STK39: variants seen among roughly 807,000 people sequenced by gnomAD.
STK39 encodes the protein STE20/SPS1-related proline-alanine-rich protein kinase.
In STK39, 20 loss-of-function variants were observed where a neutral mutation model predicts 77.8. The ratio of observed to expected loss-of-function variants is 0.26; its 90% CI spans 0.18 to 0.37. STK39 has a LOEUF of 0.37. Among genes scored for constraint, STK39 ranks in the 10% least tolerant of loss-of-function variants. The pLI, the probability that STK39 is intolerant of heterozygous loss-of-function variation, is 1.00. For synonymous variants in STK39, 246 were observed against 234.1 expected (o/e 1.05, Z -0.47); for missense variants, 479 against 656.5 (o/e 0.73, Z 2.95).
intron 1 of STK39, among the ~76,000 whole-genome samples, chr2:168,243,756 G>T (rs1461752453): frequency 2.0e-5 from 3 of 152,170 alleles, no homozygotes; most frequent in African/African-American, 7.2e-5. Context: ...GGATGGCCAA[G>T]TAAACACTTA....
At chr2:168,151,930 C>G (rs1385060469) in intron 5 of STK39, among the ~76,000 whole-genome samples, 5 of 152,166 alleles carry the variant, frequency 3.3e-5, no homozygotes, top group Admixed American at 3.3e-4. Context: ...TTAGCCACAG[C>G]AGTGGAGAGG....
intron 17 of STK39, among the ~76,000 whole-genome samples, chr2:167,958,907 G>A (rs1277665819): frequency 6.6e-6 from 1 of 152,058 alleles, no homozygotes; most frequent in African/African-American, 2.4e-5. Flanking sequence ...ATGTTGACAT[G>A]TTTCATTATA....
At position 168,063,531 on chromosome 2, in the gene STK39, A is replaced by G. The variant is rs201894497; in HGVS notation, c.1345T>C (p.Ser449Pro). 150 of 1,613,202 alleles carry G rather than the reference A, an allele frequency of 9.3e-5. 1 individual carries two copies. The highest frequency in any genetic ancestry group is 3.4e-4 in the South Asian group (31 of 90,976). ...CTCAAAACGAGGTTCACGGCACAAGAAGAAGCTTCTCTGTAGTCTTCATTA... is the reference window on the plus strand; with the variant it reads ...CTCAAAACGAGGTTCACGGCACAAGGAGAAGCTTCTCTGTAGTCTTCATTA... ...NANEDYREAS[S>P]CAVNLVLRLR... Residue 449 changes from serine (S) to proline (P), a missense_variant, in exon 14 of 18, where the codon TCT (serine) becomes CCT (proline). By Grantham distance (74) the Ser-to-Pro change is moderately conservative (BLOSUM62 -1). Around this residue, in one of 3 missense-constraint regions of STK39, gnomAD observed 244 missense variants for 296.8 expected, o/e 0.82. Coordinates refer to ENST00000355999, the MANE Select transcript of STK39 (RefSeq NM_013233.3).
chr2:168,213,609 C>T (rs1052913756), intron 1 of STK39, among the ~76,000 whole-genome samples: 4 of 151,256 alleles, frequency 2.6e-5, no homozygotes, highest in African/African-American at 9.7e-5. Flanking sequence ...TCACCTGAGC[C>T]CAGGAGGTGG....
intron 2 of STK39, among the ~76,000 whole-genome samples, chr2:168,169,629 A>AGTGTGTGTGTGT (rs1285407377): frequency 2.8e-5 from 3 of 106,520 alleles, no homozygotes; most frequent in African/African-American, 1.6e-4. Context: ...CTTTGCAGTG[A>AGTGTGTGTGTGT]GCGTGTGTGT....
At chr2:168,107,435 TA>T (rs1400701101) in intron 10 of STK39, among the ~76,000 whole-genome samples, 1 of 152,202 alleles carries the variant, frequency 6.6e-6, no homozygotes, top group African/African-American at 2.4e-5. Context: ...ATACCTCTCC[TA>T]AAAGATGTTA....
chr2:168,127,269 G>A (rs748500580), intron 10 of STK39, among the ~76,000 whole-genome samples: 1 of 152,114 alleles, frequency 6.6e-6, no homozygotes, highest in Non-Finnish European at 1.5e-5. Flanking sequence ...TCCTGCCTCA[G>A]CCTCCCGAGT....
intron 10 of STK39, among the ~76,000 whole-genome samples, chr2:168,101,593 C>A (rs1033942941): frequency 6.6e-6 from 1 of 151,870 alleles, no homozygotes; most frequent in Non-Finnish European, 1.5e-5. Flanking sequence ...CAAAAATTAG[C>A]CAGGCATGGT....
chr2:168,080,924 G>A (rs994835901), intron 10 of STK39, among the ~76,000 whole-genome samples: 1 of 152,220 alleles, frequency 6.6e-6, no homozygotes, highest in African/African-American at 2.4e-5. Flanking sequence ...ACATGATGTT[G>A]AGCCTGTAGA....
intron 14 of STK39, among the ~76,000 whole-genome samples, chr2:168,040,930 A>T (rs1559069407): frequency 1.3e-5 from 2 of 152,256 alleles, no homozygotes. Context: ...CTTTTTTAGT[A>T]CATGGAACTG....
rs899264366 is a variant in STK39, at chr2:168,005,700, G to A, written c.1498+6934C>T. 3.3e-5 allele frequency among the ~76,000 whole-genome samples: 5 copies of A among 152,138 alleles called. No individual in the cohort carries two copies. In the South Asian group the frequency reaches 8.3e-4, roughly 25 times the overall value. Reference sequence around the variant, plus strand: ...TAGTACAGCAGGATGAAAGCCATACGTCTTGAGGTGGTAAAAACATGGTTC... The same window carrying A: ...TAGTACAGCAGGATGAAAGCCATACATCTTGAGGTGGTAAAAACATGGTTC... On this transcript the variant is annotated intron_variant, in intron 16 of 17. Coordinates refer to ENST00000355999, the MANE Select transcript of STK39 (RefSeq NM_013233.3).
intron 14 of STK39, among the ~76,000 whole-genome samples, chr2:168,042,247 G>A (rs1411250215): frequency 6.6e-6 from 1 of 152,028 alleles, no homozygotes; most frequent in Non-Finnish European, 1.5e-5. Flanking sequence ...AATCTTCTCT[G>A]GAACAAGGCA....
chr2:168,247,287 G>GCCGGGA lies in STK39; in HGVS notation c.148_149insTCCCGG (p.Pro49_Ala50insValPro). 1.1e-6 allele frequency: 1 copy of GCCGGGA among 907,676 alleles called. No homozygotes were observed. The highest frequency in any genetic ancestry group is 5.4e-5 in the South Asian group (1 of 18,546). The allele number at this position is 907,676 out of a possible 1,614,324, so 56.2% of individuals were successfully genotyped here. On this transcript the variant is annotated inframe_insertion, in exon 1 of 18. Coordinates refer to ENST00000355999, the MANE Select transcript of STK39 (RefSeq NM_013233.3). Reference sequence around the variant, plus strand: ...GATGGGCCAGCCGACAGCCTGTGCCGCCGGGGCCGGGGCCGGGGCCGGGGC... The same window carrying GCCGGGA: ...GATGGGCCAGCCGACAGCCTGTGCCGCCGGGACCGGGGCCGGGGCCGGGGCCGGGGC...
chr2:168,085,515 C>A (rs1359392925), intron 10 of STK39, among the ~76,000 whole-genome samples: 1 of 152,168 alleles, frequency 6.6e-6, no homozygotes, highest in Non-Finnish European at 1.5e-5. Context: ...CCCATGGCAC[C>A]AGTCCTGAGG....
chr2:168,026,622 T>G (rs1684705895), intron 14 of STK39, among the ~76,000 whole-genome samples: 1 of 152,168 alleles, frequency 6.6e-6, no homozygotes, highest in Non-Finnish European at 1.5e-5. Context: ...CTGATGGCTC[T>G]CAAACTGCAG....
At chr2:168,105,660 T>C (rs936928872) in intron 10 of STK39, among the ~76,000 whole-genome samples, 2 of 152,228 alleles carry the variant, frequency 1.3e-5, no homozygotes, top group African/African-American at 2.4e-5. Flanking sequence ...CTTATATCCA[T>C]AGGAAATACC....
At chr2:168,181,502 A>G (rs898530125) in intron 2 of STK39, among the ~76,000 whole-genome samples, 2 of 144,968 alleles carry the variant, frequency 1.4e-5, no homozygotes, top group African/African-American at 5.2e-5. Flanking sequence ...GCCAAATGCA[A>G]GCTACAGAGC....
At chr2:168,165,036 AG>A (rs1475422636) in intron 3 of STK39, among the ~76,000 whole-genome samples, 1 of 152,218 alleles carries the variant, frequency 6.6e-6, no homozygotes, top group African/African-American at 2.4e-5. Flanking sequence ...ATGAAATAGA[AG>A]AAAACAAATG....
chr2:168,018,529 AAAAG>A (rs1195584527), intron 14 of STK39, among the ~76,000 whole-genome samples: 1 of 80,766 alleles, frequency 1.2e-5, no homozygotes, highest in Non-Finnish European at 2.3e-5. Flanking sequence ...GAAAAGAAAG[AAAAG>A]AAAGAAAAGA....
Sources: gnomAD v4.1 joint callset for allele counts (sites outside exome capture counted in the v4.1 genomes callset) on GRCh38, gnomAD v4.1.1 for gene constraint, gnomAD v4.1.1 regional missense constraint, MANE v1.5 for transcripts, NCBI Gene and HGNC (gene_info 2026-07-23, HGNC 2026-07-21) for gene names.